Variants in JAK1 observed in about 807,000 individuals in gnomAD.
JAK1 encodes tyrosine-protein kinase JAK1.
In JAK1, 16 loss-of-function variants were observed where a neutral mutation model predicts 136.6. The observed-to-expected ratio is 0.12, with a 90% CI of 0.08 to 0.18. The LOEUF is 0.18. Ranked by LOEUF, JAK1 falls within the 10% of genes least tolerant of loss-of-function variation. The pLI is 1.00. For missense variants in JAK1, 859 were observed against 1,450.1 expected (o/e 0.59, Z 6.62); for synonymous variants, 492 against 519.5 (o/e 0.95, Z 0.72).
At chr1:64,939,293 T>G (rs1475917187) in intron 1 of JAK1, among the ~76,000 whole-genome samples, 1 of 152,172 alleles carries the variant, frequency 6.6e-6, no homozygotes, top group East Asian at 1.9e-4. Flanking sequence ...AACTCATACC[T>G]CTAAGGGTGA....
intron 1 of JAK1, among the ~76,000 whole-genome samples, chr1:64,960,183 A>G (rs1219978659): frequency 6.6e-6 from 1 of 152,210 alleles, no homozygotes; most frequent in African/African-American, 2.4e-5. Context: ...AGTTATGACC[A>G]CACCACTGCA....
chr1:64,958,215 C>T (rs1301797498), intron 1 of JAK1, among the ~76,000 whole-genome samples: 1 of 152,174 alleles, frequency 6.6e-6, no homozygotes, highest in Non-Finnish European at 1.5e-5. Flanking sequence ...TGGCCTGCTT[C>T]CTAAATCACA....
chr1:64,842,934 C>G (rs1208612749), intron 17 of JAK1, among the ~76,000 whole-genome samples: 1 of 152,100 alleles, frequency 6.6e-6, no homozygotes, highest in Non-Finnish European at 1.5e-5. Context: ...TGGACTTCCG[C>G]TGCCATTTCC....
chr1:64,842,992 C>T (rs1017860151), intron 17 of JAK1, among the ~76,000 whole-genome samples: 2 of 152,172 alleles, frequency 1.3e-5, no homozygotes, highest in African/African-American at 4.8e-5. Context: ...CTGTCTCCCT[C>T]CAGGTCTCTC....
At chr1:64,929,447 T>C (rs1301171925) in intron 1 of JAK1, among the ~76,000 whole-genome samples, 2 of 152,208 alleles carry the variant, frequency 1.3e-5, no homozygotes, top group Non-Finnish European at 2.9e-5. Context: ...AATCAGACTT[T>C]TCTATACTGC....
At chr1:64,857,843 C>A in intron 9 of JAK1, 64 bp from the exon 10 acceptor site, 1 of 1,588,740 alleles carries the variant, frequency 6.3e-7, no homozygotes, top group Non-Finnish European at 8.6e-7. Flanking sequence ...AACCTCTGGG[C>A]TATCCACTCT....
At chr1:64,849,015 T>A (rs1655418330) in intron 12 of JAK1, among the ~76,000 whole-genome samples, 1 of 152,170 alleles carries the variant, frequency 6.6e-6, no homozygotes, top group East Asian at 1.9e-4. Context: ...TCCCAGAACA[T>A]CCCGTAAAAG....
chr1:65,065,185 G>A (rs1647985770), intron 1 of JAK1, among the ~76,000 whole-genome samples: 1 of 152,152 alleles, frequency 6.6e-6, no homozygotes, highest in Non-Finnish European at 1.5e-5. Flanking sequence ...GGCTTAGGTG[G>A]TGATGTCATG....
At chr1:64,954,190 TTTG>T (rs1385908935) in intron 1 of JAK1, among the ~76,000 whole-genome samples, 3 of 152,206 alleles carry the variant, frequency 2.0e-5, no homozygotes, top group Non-Finnish European at 4.4e-5. Flanking sequence ...AGAAACATGT[TTTG>T]TTGTTGTTTT....
At chr1:64,889,446 C>T (rs1644901625) in intron 1 of JAK1, among the ~76,000 whole-genome samples, 1 of 152,062 alleles carries the variant, frequency 6.6e-6, no homozygotes, top group Admixed American at 6.5e-5. Flanking sequence ...AAAGAAAATA[C>T]CTTTCTTTTG....
intron 1 of JAK1, among the ~76,000 whole-genome samples, chr1:64,893,954 ACTT>A (rs1468386895): frequency 6.6e-6 from 1 of 152,150 alleles, no homozygotes; most frequent in African/African-American, 2.4e-5. Flanking sequence ...GCATTCACCT[ACTT>A]CTTCTCACCT....
At chr1:64,856,947 G>A (rs1238832840) in intron 10 of JAK1, among the ~76,000 whole-genome samples, 4 of 152,202 alleles carry the variant, frequency 2.6e-5, no homozygotes, top group Admixed American at 6.5e-5. Context: ...TGATTAAAGT[G>A]TACTGATGTA....
intron 2 of JAK1, chr1:64,985,524 G>A: frequency 6.7e-7 from 1 of 1,493,976 alleles, no homozygotes; most frequent in Non-Finnish European, 9.3e-7. Flanking sequence ...AGGAGAGATG[G>A]GAAAGCCTAA....
chr1:65,031,668 A>T (rs938396743), intron 2 of JAK1, among the ~76,000 whole-genome samples: 1 of 152,204 alleles, frequency 6.6e-6, no homozygotes, highest in African/African-American at 2.4e-5. Flanking sequence ...TGCTATGGTT[A>T]TATAAGAGAA....
At chr1:65,060,538 AAAC>A (rs147004112) in intron 1 of JAK1, among the ~76,000 whole-genome samples, 2,293 of 152,264 alleles carry the variant, frequency 0.015, 45 homozygotes, top group African/African-American at 0.053. Context: ...TGCAACAACT[AAAC>A]ATTTTTGGTA....
In JAK1 at chr1:64,946,566, G is replaced by C. The variant is rs148350725; in HGVS notation, c.-78+19767C>G. On this transcript the variant is annotated intron_variant, in intron 1 of 24. Coordinates refer to ENST00000342505, the MANE Select transcript of JAK1 (RefSeq NM_002227.4). The stretch of plus-strand genomic sequence containing the variant: ...GTTCTCTAATGTTCTTTGTTTTCTA[G>C]ATTTTGAGAAGGTGTTTGTTGAATA... Among the ~76,000 whole-genome samples, 1,383 of 152,282 alleles carry C rather than the reference G, an allele frequency of 9.1e-3. 31 individuals carry two copies. Among genetic ancestry groups the C allele is most frequent in the African/African-American group, 0.032 (1,321 of 41,554 alleles).
intron 1 of JAK1, among the ~76,000 whole-genome samples, chr1:64,919,196 G>A (rs1645452375): frequency 6.6e-6 from 1 of 152,090 alleles, no homozygotes; most frequent in South Asian, 2.1e-4. Context: ...GCCCTGGTGT[G>A]TGATGTTGCT....
At chr1:64,886,160 G>T in intron 2 of JAK1, 99 bp downstream of exon 2, 1 of 714,894 alleles carries the variant, frequency 1.4e-6, no homozygotes, top group Non-Finnish European at 2.4e-6. Flanking sequence ...AAAATTAAAG[G>T]CAATAGCACC....
rs369498502 is a variant in JAK1, at chr1:64,844,784, C to T, written c.2221G>A (p.Gly741Ser). The change falls in exon 16 of 25, where the codon GGC (glycine) becomes AGC (serine). Residue 741 changes from glycine (G) to serine (S), a missense_variant. Physicochemically the swap from Gly to Ser is moderately conservative, Grantham distance 56. Around this residue, in one of 4 missense-constraint regions of JAK1, gnomAD observed 409 missense variants for 753.8 expected, o/e 0.54. Transcript: ENST00000342505. This position sits in a 1 kb window ranked among gnomAD's most constrained non-coding sequence, Gnocchi z 5.7. ...CGPFIKLSDP[G>S]IPITVLSRQE... is the part of the protein sequence containing the mutation. ...CTAGACAGCACCGTAATGGGGATGC[C>T]GGGGTCACTGAGCTTGATGAATGGG... is the stretch of plus-strand genomic sequence containing the variant. 42 of 1,614,078 alleles carry T rather than the reference C, an allele frequency of 2.6e-5. No individual in the cohort carries two copies. The highest frequency in any genetic ancestry group is 6.7e-5 in the African/African-American group (5 of 74,934).
Sources: allele counts gnomAD v4.1 joint callset (sites outside exome capture counted in the v4.1 genomes callset), GRCh38; gene constraint gnomAD v4.1.1; regional missense constraint gnomAD v4.1.1; non-coding constraint Gnocchi (gnomAD v3.1); transcripts MANE v1.5; gene names NCBI Gene and HGNC (gene_info 2026-07-23, HGNC 2026-07-21).